RAD51B: variants seen among roughly 807,000 people sequenced by gnomAD.
The protein encoded by RAD51B is DNA repair protein RAD51 homolog 2.
A neutral mutation model predicts 42.2 loss-of-function variants in RAD51B; 38 were observed. The observed-to-expected ratio is 0.90, with a 90% CI of 0.70 to 1.18. The LOEUF is 1.18. Ranked by LOEUF, RAD51B falls within the 50% of genes most tolerant of loss-of-function variation. RAD51B has a pLI of 0.00. For missense variants in RAD51B, 373 were observed against 400.7 expected, an observed-to-expected ratio of 0.93 and a Z score of 0.59; for synonymous variants, 154 against 145.2, an observed-to-expected ratio of 1.06 and a Z score of -0.43.
rs1018254738 is a variant in RAD51B, at chr14:68,540,039, G to T, written c.1037-54446G>T. Among the ~76,000 whole-genome samples the T allele has an allele frequency of 2.0e-5, 3 of 152,168 alleles. No individual in the cohort carries two copies. In the East Asian group the frequency reaches 5.8e-4, roughly 29 times the overall value. ...GATGTGTCCTCAGAAGAGCATTTCT[G>T]TGCTGGCATCCACGGTGAGCAGCTG... On this transcript the variant is annotated intron_variant, in intron 10 of 10. Transcript: ENST00000487270.
intron 7 of RAD51B, among the ~76,000 whole-genome samples, chr14:67,892,492 T>A (rs922022401): frequency 6.6e-6 from 1 of 152,136 alleles, no homozygotes; most frequent in East Asian, 1.9e-4. Context: ...CAGGCAAGGG[T>A]TAATTCAGCT....
chr14:68,607,931 A>G (rs957475543), intron 10 of RAD51B, among the ~76,000 whole-genome samples: 13 of 152,244 alleles, frequency 8.5e-5, no homozygotes, highest in African/African-American at 2.7e-4. Flanking sequence ...CCGAAAGGCA[A>G]AGAAATCCCA....
At chr14:68,543,367 C>T (rs1451529777) in intron 10 of RAD51B, among the ~76,000 whole-genome samples, 1 of 152,110 alleles carries the variant, frequency 6.6e-6, no homozygotes, top group Non-Finnish European at 1.5e-5. Flanking sequence ...TCTTTGAAGT[C>T]AACACTTTTA....
chr14:68,577,699 C>G (rs1432740358), intron 10 of RAD51B, among the ~76,000 whole-genome samples: 1 of 152,116 alleles, frequency 6.6e-6, no homozygotes, highest in African/African-American at 2.4e-5. Flanking sequence ...TTCTATATAG[C>G]ACTTATTGTT....
At chr14:68,663,310 A>AAGAGAG (rs3077379) in intron 11 of RAD51B, among the ~76,000 whole-genome samples, 49 of 149,092 alleles carry the variant, frequency 3.3e-4, no homozygotes, top group Admixed American at 8.7e-4. Flanking sequence ...CTCAAAAACA[A>AAGAGAG]AGAGAGAGAG....
At position 68,140,356 on chromosome 14, in the gene RAD51B, G is replaced by T. The variant is rs145065714; in HGVS notation, c.757-151528G>T. Among the ~76,000 whole-genome samples, 10 of 152,262 alleles carry T rather than the reference G, an allele frequency of 6.6e-5. No individual in the cohort carries two copies. The East Asian group carries it at 1.5e-3, about 24-fold the overall frequency. On this transcript the variant is annotated intron_variant, in intron 7 of 10. Coordinates refer to ENST00000471583, the MANE Select transcript of RAD51B (RefSeq NM_133510.4). The stretch of plus-strand genomic sequence containing the variant: ...GGGCAGCTTGGCAGAAGATTTGAAC[G>T]TTTGGAAAAGGGAGTCATTACTGAA...
intron 8 of RAD51B, among the ~76,000 whole-genome samples, chr14:68,344,001 A>G (rs2082621284): frequency 6.6e-6 from 1 of 152,284 alleles, no homozygotes; most frequent in Non-Finnish European, 1.5e-5. Context: ...TGTATTGGAA[A>G]TCCTGGGTGC....
chr14:68,671,674 A>G (rs1434915623), intron 11 of RAD51B, among the ~76,000 whole-genome samples: 1 of 151,962 alleles, frequency 6.6e-6, no homozygotes, highest in Non-Finnish European at 1.5e-5. Flanking sequence ...ACCGCCTTGT[A>G]TGTTCTGTTT....
chr14:68,478,103 T>A (rs1477883980), downstream of RAD51B: 32 of 1,043,400 alleles, frequency 3.1e-5, no homozygotes, highest in Non-Finnish European at 3.6e-5. Context: ...ATAAAAAGAG[T>A]AGGTGTAAAG....
At chr14:68,228,383 G>T (rs147985273) in intron 7 of RAD51B, among the ~76,000 whole-genome samples, 74 of 152,204 alleles carry the variant, frequency 4.9e-4, no homozygotes, top group African/African-American at 1.8e-3. Context: ...TTAATGAAAA[G>T]ATTTTCTCTT....
intron 8 of RAD51B, among the ~76,000 whole-genome samples, chr14:68,333,694 A>G (rs1189555539): frequency 6.6e-6 from 1 of 152,230 alleles, no homozygotes; most frequent in Non-Finnish European, 1.5e-5. Flanking sequence ...CATATACAAC[A>G]TGATGTTTTA....
chr14:68,057,821 T>TTGTGTG (rs140213534), intron 7 of RAD51B, among the ~76,000 whole-genome samples: 1,873 of 138,646 alleles, frequency 0.014, 26 homozygotes, highest in African/African-American at 0.036. Context: ...TTTTAGTTCT[T>TTGTGTG]TGTGTGTGTG....
chr14:68,011,031 A>G (rs1450005447), intron 7 of RAD51B, among the ~76,000 whole-genome samples: 1 of 152,010 alleles, frequency 6.6e-6, no homozygotes, highest in Non-Finnish European at 1.5e-5. Flanking sequence ...AGTGAAAAAA[A>G]TCAGATATTT....
chr14:68,180,804 G>A (rs1033583281), intron 7 of RAD51B, among the ~76,000 whole-genome samples: 5 of 152,198 alleles, frequency 3.3e-5, no homozygotes, highest in Non-Finnish European at 7.3e-5. Context: ...ACAGGACAGA[G>A]TTAGGGAAAT....
At chr14:68,497,261 T>G in intron 10 of RAD51B, 1 of 1,345,440 alleles carries the variant, frequency 7.4e-7, no homozygotes, top group South Asian at 1.3e-5. Context: ...CTAAAACATT[T>G]GGTTGCTACT....
At chr14:68,371,317 G>T (rs1462148280) in intron 8 of RAD51B, among the ~76,000 whole-genome samples, 2 of 151,870 alleles carry the variant, frequency 1.3e-5, no homozygotes, top group Admixed American at 6.6e-5. Flanking sequence ...AAGAGATGGA[G>T]ACCATCCTGG....
At chr14:68,452,627 CT>C (rs2085584849) in intron 9 of RAD51B, among the ~76,000 whole-genome samples, 1 of 152,288 alleles carries the variant, frequency 6.6e-6, no homozygotes, top group African/African-American at 2.4e-5. Context: ...ATTGAACTAA[CT>C]CTTTAGCCTT....
At chr14:68,391,134 T>TTTTTCTTTCTTTCTTTCTTTC (rs1388376049) in intron 8 of RAD51B, among the ~76,000 whole-genome samples, 1 of 109,080 alleles carries the variant, frequency 9.2e-6, no homozygotes, top group Non-Finnish European at 1.9e-5. Context: ...TTTATGAGAC[T>TTTTTCTTTCTTTCTTTCTTTC]TGTCTTTCTT....
chr14:68,329,984 A>AG, intron 8 of RAD51B, among the ~76,000 whole-genome samples: 1 of 45,556 alleles, frequency 2.2e-5, no homozygotes, highest in African/African-American at 3.7e-5. Context: ...TCTGTCTCAA[A>AG]AAAAAAAAAA....
Sources: gnomAD v4.1 joint callset for allele counts (sites outside exome capture counted in the v4.1 genomes callset) on GRCh38, gnomAD v4.1.1 for gene constraint, MANE v1.5 for transcripts, NCBI Gene and HGNC (gene_info 2026-07-23, HGNC 2026-07-21) for gene names.